MS4A5: variants seen among roughly 807,000 people sequenced by gnomAD.
MS4A5 encodes the protein membrane-spanning 4-domains subfamily A member 5.
In MS4A5, 15 loss-of-function variants were observed where a neutral mutation model predicts 18.2. That is an observed-to-expected ratio of 0.83 (90% CI 0.55 to 1.27). The LOEUF (loss-of-function observed/expected upper bound fraction) is 1.27. MS4A5 is among the 50% of genes most tolerant of loss of function. The pLI, the probability that MS4A5 is intolerant of heterozygous loss-of-function variation, is 0.00. For synonymous variants in MS4A5, 89 were observed against 78.7 expected (o/e 1.13, Z -0.69); for missense variants, 232 against 225.7 (o/e 1.03, Z -0.18).
chr11:60,441,120 CT>C (rs1333881534), intron 4 of MS4A5, among the ~76,000 whole-genome samples: 1 of 110,136 alleles, frequency 9.1e-6, no homozygotes, highest in Admixed American at 1.0e-4. Context: ...AGTTCATGTC[CT>C]TTGTAGGGAC....
At chr11:60,437,773 C>A (rs2086088891) in intron 4 of MS4A5, among the ~76,000 whole-genome samples, 1 of 151,348 alleles carries the variant, frequency 6.6e-6, no homozygotes, top group Non-Finnish European at 1.5e-5. Context: ...ATTCATAAAG[C>A]AAGTCCTGAG....
intron 1 of MS4A5, among the ~76,000 whole-genome samples, chr11:60,430,173 T>A (rs1016017955): frequency 1.3e-5 from 2 of 152,192 alleles, no homozygotes; most frequent in African/African-American, 4.8e-5. Context: ...CATTTTTGTA[T>A]ATTGTCCTCA....
At chr11:60,438,225 T>A (rs903007022) in intron 4 of MS4A5, among the ~76,000 whole-genome samples, 12 of 152,044 alleles carry the variant, frequency 7.9e-5, no homozygotes, top group Admixed American at 5.9e-4. Flanking sequence ...TTGAAACCAA[T>A]GAGAACAAAG....
At chr11:60,445,795 G>A (rs908724272) in intron 4 of MS4A5, among the ~76,000 whole-genome samples, 4 of 152,160 alleles carry the variant, frequency 2.6e-5, no homozygotes, top group African/African-American at 7.2e-5. Context: ...TCAGGGAAAT[G>A]TCAATTAATT....
intron 4 of MS4A5, among the ~76,000 whole-genome samples, chr11:60,434,886 T>A (rs1040663383): frequency 6.6e-6 from 1 of 152,182 alleles, no homozygotes; most frequent in Non-Finnish European, 1.5e-5. Context: ...GTATAAAGAC[T>A]TAAGAGAGAT....
chr11:60,444,503 CCT>C (rs936949171), intron 4 of MS4A5, among the ~76,000 whole-genome samples: 11 of 151,402 alleles, frequency 7.3e-5, no homozygotes, highest in African/African-American at 2.7e-4. Flanking sequence ...GAGAAAATTT[CCT>C]CTCTCTATAT....
At chr11:60,446,781 T>C (rs972363245) in intron 4 of MS4A5, among the ~76,000 whole-genome samples, 5 of 152,020 alleles carry the variant, frequency 3.3e-5, no homozygotes, top group Non-Finnish European at 5.9e-5. Context: ...GGTGAACTAC[T>C]AGCGTATGCT....
At chr11:60,442,140 C>T (rs1164899427) in intron 4 of MS4A5, among the ~76,000 whole-genome samples, 1 of 152,098 alleles carries the variant, frequency 6.6e-6, no homozygotes, top group Non-Finnish European at 1.5e-5. Context: ...ATAGAATGAA[C>T]ACTACACCAA....
chr11:60,434,699 C>G (rs1025708782), intron 4 of MS4A5, among the ~76,000 whole-genome samples: 1 of 152,104 alleles, frequency 6.6e-6, no homozygotes, highest in Non-Finnish European at 1.5e-5. Context: ...TCAGCTGGAA[C>G]TACTAGATCA....
chr11:60,437,975 T>C (rs2086090217), intron 4 of MS4A5, among the ~76,000 whole-genome samples: 1 of 152,146 alleles, frequency 6.6e-6, no homozygotes, highest in Non-Finnish European at 1.5e-5. Flanking sequence ...TATACATTTT[T>C]TTCAGCACCA....
intron 4 of MS4A5, among the ~76,000 whole-genome samples, chr11:60,441,106 G>A (rs1229078693): frequency 1.0e-5 from 1 of 97,102 alleles, no homozygotes; most frequent in Non-Finnish European, 2.1e-5. Context: ...CATAAAAAAT[G>A]ATGAGTTCAT....
At chr11:60,438,237 C>T (rs998807980) in intron 4 of MS4A5, among the ~76,000 whole-genome samples, 1 of 152,154 alleles carries the variant, frequency 6.6e-6, no homozygotes. Context: ...AGAACAAAGA[C>T]ACAACATATC....
chr11:60,430,980 A>T, intron 2 of MS4A5, 56 bp downstream of exon 2: 1 of 1,563,486 alleles, frequency 6.4e-7, no homozygotes, highest in Admixed American at 2.0e-5. Flanking sequence ...ATGTTAGGGA[A>T]TTCTTCACAA....
At chr11:60,443,254 C>G (rs966063942) in intron 4 of MS4A5, among the ~76,000 whole-genome samples, 26 of 151,978 alleles carry the variant, frequency 1.7e-4, no homozygotes, top group African/African-American at 6.0e-4. Flanking sequence ...AGCCTACAAG[C>G]CTCAACAAAA....
At chr11:60,435,528 T>G in intron 4 of MS4A5, 1 of 380,752 alleles carries the variant, frequency 2.6e-6, no homozygotes, top group South Asian at 2.0e-5. Context: ...ACCCGGTTCA[T>G]CTCACTAGGG....
chr11:60,435,691 G>T (rs1250591200), intron 4 of MS4A5, among the ~76,000 whole-genome samples: 3 of 152,194 alleles, frequency 2.0e-5, no homozygotes, highest in Non-Finnish European at 4.4e-5. Flanking sequence ...AGAAAATCGG[G>T]TCACTCCCAC....
intron 4 of MS4A5, among the ~76,000 whole-genome samples, chr11:60,439,827 T>C (rs2086100623): frequency 2.7e-5 from 1 of 37,132 alleles, no homozygotes. Context: ...GAAGAATCAA[T>C]ATCGTGAAAA....
At chr11:60,430,115 G>T (rs562996714) in intron 1 of MS4A5, among the ~76,000 whole-genome samples, 2 of 152,348 alleles carry the variant, frequency 1.3e-5, no homozygotes, top group South Asian at 4.1e-4. Context: ...CTGAGAAGAA[G>T]AGAGCAGAGC....
In MS4A5 at chr11:60,433,925, T is replaced by A; in HGVS notation, c.492+8T>A. ...GTTACTGTCCTGTTCTTGGTAAGTA[T>A]GTTGCATTTATAGAGTGATGAGTAA... On this transcript the variant is annotated splice_region_variant and intron_variant, in intron 4 of 4. Coordinates refer to ENST00000300190, the MANE Select transcript of MS4A5 (RefSeq NM_023945.3). The A allele has an allele frequency of 6.2e-7, 1 of 1,613,314 alleles. No individual in the cohort carries two copies. Among genetic ancestry groups the A allele is most frequent in the Non-Finnish European group, 8.5e-7 (1 of 1,179,362 alleles).
Sources: gnomAD v4.1 joint callset for allele counts (sites outside exome capture counted in the v4.1 genomes callset) on GRCh38, gnomAD v4.1.1 for gene constraint, MANE v1.5 for transcripts, NCBI Gene and HGNC (gene_info 2026-07-23, HGNC 2026-07-21) for gene names.